BLTP3A: variants seen among roughly 807,000 people sequenced by gnomAD.
BLTP3A encodes the protein ICBP90 binding protein 1.
At chr6:34,809,229 C>G in the BLTP3A span, among the ~76,000 whole-genome samples, 1 of 151,872 alleles carries the variant, frequency 6.6e-6, no homozygotes, top group South Asian at 2.1e-4. Flanking sequence ...CCTGTCTCTA[C>G]AAAAAATTGA....
the BLTP3A span, among the ~76,000 whole-genome samples, chr6:34,845,541 C>T: frequency 9.0e-4 from 137 of 152,184 alleles, no homozygotes; most frequent in Middle Eastern, 3.4e-3. Context: ...ACTTCAGCCT[C>T]CTGAATAGCT....
At chr6:34,843,403 A>G in the BLTP3A span, among the ~76,000 whole-genome samples, 1 of 152,168 alleles carries the variant, frequency 6.6e-6, no homozygotes, top group Non-Finnish European at 1.5e-5. Context: ...TCAAGTGCTG[A>G]AAAAATGTTG....
the BLTP3A span, chr6:34,856,799 C>T: frequency 1.1e-5 from 18 of 1,612,790 alleles, no homozygotes; most frequent in Non-Finnish European, 1.5e-5. Context: ...GATTCTCTTT[C>T]CAGTCCTCGA....
the BLTP3A span, among the ~76,000 whole-genome samples, chr6:34,830,200 C>T: frequency 6.6e-6 from 1 of 151,782 alleles, no homozygotes; most frequent in Non-Finnish European, 1.5e-5. Context: ...GTGATCCACT[C>T]GCCTCAGCCT....
At chr6:34,816,175 A>G in the BLTP3A span, among the ~76,000 whole-genome samples, 2 of 152,264 alleles carry the variant, frequency 1.3e-5, no homozygotes, top group African/African-American at 4.8e-5. Flanking sequence ...CTTACTTAGT[A>G]TAATCACTCA....
chr6:34,865,826 A>G, the BLTP3A span, among the ~76,000 whole-genome samples: 97 of 152,224 alleles, frequency 6.4e-4, no homozygotes, highest in African/African-American at 2.3e-3. Context: ...ATTATTTTTA[A>G]CTTCTTATGG....
chr6:34,839,240 A>G, the BLTP3A span, among the ~76,000 whole-genome samples: 2 of 152,186 alleles, frequency 1.3e-5, no homozygotes, highest in Non-Finnish European at 2.9e-5. Flanking sequence ...ACAAGAACAA[A>G]ACTCCATCTA....
the BLTP3A span, chr6:34,867,123 A>AT: frequency 7.9e-7 from 1 of 1,269,056 alleles, no homozygotes; most frequent in South Asian, 1.7e-5. Flanking sequence ...CATGAATGTC[A>AT]TAAGTATTTT....
the BLTP3A span, chr6:34,857,889 A>T: frequency 3.1e-6 from 5 of 1,613,938 alleles, no homozygotes; most frequent in South Asian, 3.3e-5. Flanking sequence ...GAACACTTGG[A>T]CATCCGACTA....
At chr6:34,837,688 AT>A in the BLTP3A span, among the ~76,000 whole-genome samples, 4 of 152,166 alleles carry the variant, frequency 2.6e-5, no homozygotes, top group African/African-American at 9.7e-5. Flanking sequence ...CAAAAAAAAA[AT>A]AATCTTGAAG....
chr6:34,843,382 CATT>C, the BLTP3A span, among the ~76,000 whole-genome samples: 1 of 152,010 alleles, frequency 6.6e-6, no homozygotes, highest in Non-Finnish European at 1.5e-5. Context: ...TTCAATTCAT[CATT>C]AAGTTAATCA....
chr6:34,867,753 G>A, the BLTP3A span: 2 of 1,186,648 alleles, frequency 1.7e-6, no homozygotes, highest in Non-Finnish European at 2.3e-6. Flanking sequence ...TTAGGGGGAG[G>A]AAAAACTCCA....
At chr6:34,851,287 G>A in the BLTP3A span, among the ~76,000 whole-genome samples, 2 of 152,082 alleles carry the variant, frequency 1.3e-5, no homozygotes, top group African/African-American at 4.8e-5. Flanking sequence ...TTCTTGTGAA[G>A]GCTTCCCAAG....
At chr6:34,850,739 C>A in the BLTP3A span, among the ~76,000 whole-genome samples, 1 of 152,276 alleles carries the variant, frequency 6.6e-6, no homozygotes, top group Admixed American at 6.5e-5. Context: ...CTCTGTTGCC[C>A]AGGCTGGAGT....
chr6:34,838,168 A>G, the BLTP3A span, among the ~76,000 whole-genome samples: 1 of 152,238 alleles, frequency 6.6e-6, no homozygotes, highest in African/African-American at 2.4e-5. Context: ...GATTCTGTAC[A>G]TCAGGGAGGC....
At chr6:34,840,803 A>C in the BLTP3A span, among the ~76,000 whole-genome samples, 1 of 150,424 alleles carries the variant, frequency 6.6e-6, no homozygotes, top group Non-Finnish European at 1.5e-5. Context: ...TTTTTAGTAG[A>C]GATGCAGTTT....
At chr6:34,877,111 CT>C in the BLTP3A span, 51 of 152,716 alleles carry the variant, frequency 3.3e-4, no homozygotes, top group Non-Finnish European at 5.3e-4. Flanking sequence ...TCTCCATTGG[CT>C]AAGTACATGT....
chr6:34,821,660 A>G, the BLTP3A span: 5 of 1,610,130 alleles, frequency 3.1e-6, no homozygotes, highest in Non-Finnish European at 4.2e-6. Context: ...CAGGTTCACT[A>G]AGAATCTTTC....
chr6:34,793,926 A>G, the BLTP3A span, among the ~76,000 whole-genome samples: 1 of 76,300 alleles, frequency 1.3e-5, no homozygotes, highest in Non-Finnish European at 2.5e-5. Context: ...AAGGGTACAA[A>G]AAAAAAAAAA....
Sources: allele counts gnomAD v4.1 joint callset (sites outside exome capture counted in the v4.1 genomes callset), GRCh38; gene constraint gnomAD v4.1.1; transcripts MANE v1.5; gene names NCBI Gene and HGNC (gene_info 2026-07-23, HGNC 2026-07-21).